The following TBC1D32 variants were observed in gnomAD, a reference collection of about 807,000 sequenced individuals.
The protein encoded by TBC1D32 is TBC1 domain family member 32, also known as protein broad-minded.
A neutral mutation model predicts 170.3 loss-of-function variants in TBC1D32; 151 were observed. The ratio of observed to expected loss-of-function variants is 0.89; its 90% confidence interval spans 0.78 to 1.01. The LOEUF is 1.01. Among genes scored for constraint, TBC1D32 ranks in the 50% least tolerant of loss-of-function variants. TBC1D32 has a pLI of 0.00. For synonymous variants in TBC1D32, 498 were observed against 488.0 expected, an observed-to-expected ratio of 1.02 and a Z score of -0.27; for missense variants, 1,464 against 1,457.1, an observed-to-expected ratio of 1.00 and a Z score of -0.08.
chr6:121,159,033 T>G (rs1165050684), intron 24 of TBC1D32, among the ~76,000 whole-genome samples: 2 of 152,176 alleles, frequency 1.3e-5, no homozygotes, highest in African/African-American at 4.8e-5. Context: ...GACTATAACT[T>G]GCTTCTTCCA....
At chr6:121,090,011 C>G (rs1281022229) in intron 31 of TBC1D32, among the ~76,000 whole-genome samples, 1 of 151,290 alleles carries the variant, frequency 6.6e-6, no homozygotes, top group Non-Finnish European at 1.5e-5. Context: ...TCGGCTCATG[C>G]AAGCTCCGCC....
chr6:121,204,990 A>T, intron 22 of TBC1D32, 85 bp downstream of exon 22: 1 of 726,404 alleles, frequency 1.4e-6, no homozygotes, highest in Admixed American at 3.2e-5. Context: ...GCTAATTTTA[A>T]ATACTTTTTT....
intron 20 of TBC1D32, among the ~76,000 whole-genome samples, chr6:121,226,116 C>T (rs1321562570): frequency 1.3e-5 from 2 of 152,096 alleles, no homozygotes; most frequent in Non-Finnish European, 2.9e-5. Flanking sequence ...TAATGATCTT[C>T]TATTCACTTA....
intron 30 of TBC1D32, among the ~76,000 whole-genome samples, chr6:121,097,199 G>T (rs1176678474): frequency 6.6e-6 from 1 of 152,020 alleles, no homozygotes; most frequent in Non-Finnish European, 1.5e-5. Flanking sequence ...TGACAAATGG[G>T]ATCTAATTAA....
intron 8 of TBC1D32, among the ~76,000 whole-genome samples, chr6:121,303,992 C>T (rs561874815): frequency 1.3e-4 from 19 of 151,776 alleles, no homozygotes; most frequent in African/African-American, 4.3e-4. Flanking sequence ...TATCTTACAA[C>T]TTAGTATAAA....
intron 20 of TBC1D32, among the ~76,000 whole-genome samples, chr6:121,232,026 A>ATG (rs960109580): frequency 6.6e-6 from 1 of 151,868 alleles, no homozygotes; most frequent in Non-Finnish European, 1.5e-5. Flanking sequence ...GGTTTTTCTG[A>ATG]TGTTATCTTC....
intron 11 of TBC1D32, among the ~76,000 whole-genome samples, chr6:121,292,621 T>G (rs1257044968): frequency 6.6e-6 from 1 of 152,130 alleles, no homozygotes; most frequent in Admixed American, 6.6e-5. Context: ...CTCTACAATA[T>G]AGACATCTCC....
intron 30 of TBC1D32, among the ~76,000 whole-genome samples, chr6:121,104,799 C>T (rs1228564230): frequency 6.6e-6 from 1 of 151,548 alleles, no homozygotes; most frequent in African/African-American, 2.4e-5. Flanking sequence ...AGCTTACTAT[C>T]TTCCTAGATA....
At chr6:121,316,244 C>T (rs1169352720) in intron 3 of TBC1D32, among the ~76,000 whole-genome samples, 1 of 152,096 alleles carries the variant, frequency 6.6e-6, no homozygotes, top group African/African-American at 2.4e-5. Flanking sequence ...ATCTGAATAC[C>T]TGTACTTCTT....
At chr6:121,112,983 T>C (rs1779339193) in intron 28 of TBC1D32, 79 bp downstream of exon 28, 4 of 995,874 alleles carry the variant, frequency 4.0e-6, no homozygotes, top group African/African-American at 1.6e-5. Flanking sequence ...ACTATAAATG[T>C]GTCAAGGTAT....
chr6:121,153,127 C>G (rs961629230), intron 24 of TBC1D32, among the ~76,000 whole-genome samples: 3 of 152,044 alleles, frequency 2.0e-5, no homozygotes, highest in Non-Finnish European at 4.4e-5. Context: ...TTTTTCCTCA[C>G]CTTTGTGGAT....
Position 121,131,644 on chromosome 6 carries a change from T to A in TBC1D32, c.2882A>T (p.Asp961Val), listed in dbSNP as rs1188412175. ...QFCKMMKAKP[D>V]IISGEALIEL... is the part of the protein sequence containing the mutation. The stretch of plus-strand genomic sequence containing the variant: ...GTACTTACCCTCTCCACTGATTATA[T>A]CAGGTTTGGCTTTCATCATTTTGCA... Residue 961 changes from aspartate to valine, a missense_variant, in exon 25 of 32, where the codon GAT (aspartate) becomes GTT (valine). Coordinates refer to ENST00000398212, the MANE Select transcript of TBC1D32 (RefSeq NM_152730.6). 1.2e-6 allele frequency: 2 copies of A among 1,611,550 alleles called. No homozygotes were observed. The highest frequency in any genetic ancestry group is 2.2e-5 in the East Asian group (1 of 44,668).
chr6:121,310,677 G>T, intron 4 of TBC1D32, 102 bp downstream of exon 4: 1 of 764,554 alleles, frequency 1.3e-6, no homozygotes, highest in Non-Finnish European at 2.2e-6. Flanking sequence ...AATCATAAAG[G>T]CTTAGCCTCA....
At chr6:121,152,556 T>C (rs1289435837) in intron 24 of TBC1D32, among the ~76,000 whole-genome samples, 1 of 152,194 alleles carries the variant, frequency 6.6e-6, no homozygotes, top group African/African-American at 2.4e-5. Context: ...TCTTGCTAGG[T>C]TGGGGAAGGG....
At chr6:121,292,746 C>A (rs1012194166) in intron 11 of TBC1D32, among the ~76,000 whole-genome samples, 2 of 152,072 alleles carry the variant, frequency 1.3e-5, no homozygotes, top group South Asian at 2.1e-4. Context: ...TTGATTAGGG[C>A]GCATATGTAT....
At chr6:121,254,634 G>A (rs1161328427) in intron 17 of TBC1D32, among the ~76,000 whole-genome samples, 1 of 151,954 alleles carries the variant, frequency 6.6e-6, no homozygotes, top group Non-Finnish European at 1.5e-5. Context: ...TGTTTTGTAA[G>A]TTAAACTATA....
intron 21 of TBC1D32, among the ~76,000 whole-genome samples, chr6:121,219,197 C>T (rs1319424063): frequency 6.6e-6 from 1 of 151,972 alleles, no homozygotes; most frequent in African/African-American, 2.4e-5. Flanking sequence ...TTCCAGGAAG[C>T]TTAGGGTGGA....
intron 24 of TBC1D32, among the ~76,000 whole-genome samples, chr6:121,150,590 C>T (rs554643921): frequency 1.3e-4 from 20 of 152,300 alleles, no homozygotes; most frequent in Non-Finnish European, 2.4e-4. Flanking sequence ...ACCAGCTCCT[C>T]TTTGTACCTC....
chr6:121,334,207 T>C, intron 1 of TBC1D32, 69 bp downstream of exon 1: 1 of 1,326,184 alleles, frequency 7.5e-7, no homozygotes, highest in Non-Finnish European at 1.1e-6. Context: ...AAATTAACAC[T>C]GTTGACCCTT....
Sources: gnomAD v4.1 joint callset for allele counts (sites outside exome capture counted in the v4.1 genomes callset) on GRCh38, gnomAD v4.1.1 for gene constraint, MANE v1.5 for transcripts, NCBI Gene and HGNC (gene_info 2026-07-23, HGNC 2026-07-21) for gene names.